The following COL4A6 variants were observed in gnomAD, a reference collection of about 807,000 sequenced individuals.
The protein encoded by COL4A6 is collagen type IV alpha 6 chain.
COL4A6 carries 59 observed loss-of-function variants against 126.7 expected under a neutral mutation model. That is an observed-to-expected ratio of 0.47 (90% CI 0.38 to 0.58). The LOEUF (loss-of-function observed/expected upper bound fraction) is 0.58. Among genes scored for constraint, COL4A6 ranks in the 20% least tolerant of loss-of-function variants. The probability of loss-of-function intolerance (pLI) is 0.00; values close to 1 mark genes in which losing one functional copy is unlikely to be tolerated. For synonymous variants in COL4A6, 547 were observed against 496.6 expected (o/e 1.10, Z -1.35); for missense variants, 1,285 against 1,337.3 (o/e 0.96, Z 0.61).
intron 2 of COL4A6, among the ~76,000 whole-genome samples, chrX:108,422,770 T>C (rs1345736030): frequency 2.7e-5 from 3 of 111,744 alleles, no homozygotes; most frequent in Non-Finnish European, 3.8e-5. Flanking sequence ...ACTTTCATGG[T>C]TTCAAGGACT....
intron 36 of COL4A6, 26 bp from the exon 37 acceptor site, chrX:108,169,646 G>A (rs771745648): frequency 3.9e-5 from 47 of 1,190,973 alleles, no homozygotes; most frequent in Non-Finnish European, 2.3e-6. Context: ...GGGGTAGGGG[G>A]CAGACCTCAG....
intron 3 of COL4A6, among the ~76,000 whole-genome samples, chrX:108,224,776 C>T (rs2036118881): frequency 8.9e-6 from 1 of 111,934 alleles, no homozygotes; most frequent in Non-Finnish European, 1.9e-5. Context: ...ATTTCTGCCT[C>T]ATTACCCATA....
At chrX:108,384,997 C>G (rs767356969) in intron 2 of COL4A6, among the ~76,000 whole-genome samples, 12 of 110,804 alleles carry the variant, frequency 1.1e-4, no homozygotes, top group Non-Finnish European at 2.1e-4. Flanking sequence ...TGCAGTAGAC[C>G]GCCTTATCTG....
chrX:108,323,158 A>G (rs1306439772), intron 2 of COL4A6, among the ~76,000 whole-genome samples: 1 of 112,102 alleles, frequency 8.9e-6, no homozygotes, highest in Non-Finnish European at 1.9e-5. Flanking sequence ...AGGAGGGGAA[A>G]GTAGAGTTAT....
rs921045659 is a variant in COL4A6, at chrX:108,169,751, A to G, written c.3566-131T>C. 3 of 959,845 alleles carry G rather than the reference A, an allele frequency of 3.1e-6. No homozygotes were observed. In the African/African-American group the frequency reaches 6.0e-5, roughly 19 times the overall value. 79.1% of individuals were successfully genotyped at this position (959,845 alleles called of 1,213,427 possible). Reference sequence around the variant, plus strand: ...GCAGAGTACTGAAGTAACAAGAAAGAAAGTTAATCTGAGTAGAAGAAAAAA... The same window carrying G: ...GCAGAGTACTGAAGTAACAAGAAAGGAAGTTAATCTGAGTAGAAGAAAAAA... On this transcript the variant is annotated intron_variant, in intron 36 of 44. Transcript: ENST00000334504.
At chrX:108,192,665 C>A (rs1251595926) in intron 17 of COL4A6, 85 bp from the exon 18 acceptor site, 2 of 619,763 alleles carry the variant, frequency 3.2e-6, no homozygotes, top group Non-Finnish European at 5.2e-6. Context: ...GGTGCAGGAG[C>A]TGTCCTGGCA....
At chrX:108,238,058 C>A (rs2036479055) in intron 3 of COL4A6, among the ~76,000 whole-genome samples, 1 of 104,785 alleles carries the variant, frequency 9.5e-6, no homozygotes, top group Non-Finnish European at 1.9e-5. Flanking sequence ...ATCTATCTAT[C>A]TATCTATCTA....
At chrX:108,235,686 A>G (rs936841441) in intron 3 of COL4A6, among the ~76,000 whole-genome samples, 4 of 111,430 alleles carry the variant, frequency 3.6e-5, no homozygotes, top group Non-Finnish European at 7.5e-5. Context: ...ACCGTCATCT[A>G]CTTTTGGTTA....
At chrX:108,212,648 GT>G (rs778256472) in intron 6 of COL4A6, among the ~76,000 whole-genome samples, 14 of 106,487 alleles carry the variant, frequency 1.3e-4, no homozygotes, top group South Asian at 8.2e-4. Context: ...AGCAGAAACC[GT>G]TTTTTTTTTC....
rs368171556 is a variant in COL4A6 at position 108,401,287 on chromosome X, A to G, written c.63+36655T>C. ...AATAAGTAAGTATAAAGCCTCAGCT[A>G]TAAAAGTGTTAATCACAGTATTATT... On this transcript the variant is annotated intron_variant, in intron 2 of 44. Transcript: ENST00000334504. Among the ~76,000 whole-genome samples the G allele has an allele frequency of 6.3e-5, 7 of 111,249 alleles. No homozygotes were observed. The East Asian group carries it at 2.0e-3, about 31-fold the overall frequency.
At chrX:108,167,704 G>C (rs987028693) in intron 37 of COL4A6, among the ~76,000 whole-genome samples, 1 of 111,191 alleles carries the variant, frequency 9.0e-6, no homozygotes, top group Non-Finnish European at 1.9e-5. Context: ...TCAAAGATAG[G>C]TTCCTGTGGG....
In COL4A6 at chrX:108,164,996, G is replaced by A; in HGVS notation, c.3851C>T (p.Ser1284Phe). The A allele has an allele frequency of 1.7e-6, 2 of 1,210,415 alleles. No individual in the cohort carries two copies. Among genetic ancestry groups the A allele is most frequent in the South Asian group, 1.8e-5 (1 of 56,859 alleles). ...PAGPPGPPGP[S>F]SNQGDTGDPG... is the part of the protein sequence containing the mutation. ...GTCTCCGGTGTCGCCTTGATTCGAG[G>A]ATGGCCCAGGGGGACCTGGGGGTCC... Residue 1284 changes from serine (S) to phenylalanine (F), a missense_variant, in exon 39 of 45, where the codon TCC (serine) becomes TTC (phenylalanine). Coordinates refer to ENST00000334504, the MANE Select transcript of COL4A6 (RefSeq NM_033641.4).
intron 37 of COL4A6, among the ~76,000 whole-genome samples, chrX:108,168,138 T>G (rs1323391842): frequency 8.9e-6 from 1 of 112,555 alleles, no homozygotes; most frequent in Non-Finnish European, 1.9e-5. Flanking sequence ...GTTTACTACA[T>G]GCATAATTGT....
rs1330804406 is a variant in COL4A6 at position 108,297,189 on chromosome X, T to C, written c.144+13559A>G. 4.5e-5 allele frequency among the ~76,000 whole-genome samples: 5 copies of C among 112,170 alleles called. No homozygotes were observed. The East Asian group carries it at 1.4e-3, about 31-fold the overall frequency. ...ATGGTGGAGTTAAGGGAGGGTTTGA[T>C]AATACTCAAATCTAATAATTAATGG... is the stretch of plus-strand genomic sequence containing the variant. On this transcript the variant is annotated intron_variant, in intron 3 of 44. Transcript: ENST00000334504.
chrX:108,313,734 A>AT (rs1258987365), intron 2 of COL4A6, among the ~76,000 whole-genome samples: 1 of 112,339 alleles, frequency 8.9e-6, no homozygotes, highest in East Asian at 2.8e-4. Context: ...ATGTATTTCA[A>AT]TATATAAAAG....
chrX:108,394,962 TG>T (rs1455562381), intron 2 of COL4A6, among the ~76,000 whole-genome samples: 1 of 111,264 alleles, frequency 9.0e-6, no homozygotes, highest in Non-Finnish European at 1.9e-5. Context: ...TATATTTCAT[TG>T]AATGTATATT....
At chrX:108,173,388 T>G (rs2034376659) in intron 31 of COL4A6, among the ~76,000 whole-genome samples, 1 of 111,952 alleles carries the variant, frequency 8.9e-6, no homozygotes, top group Non-Finnish European at 1.9e-5. Context: ...GCATTCCCAC[T>G]TTGTTTTCAT....
At position 108,187,151 on chromosome X, in the gene COL4A6, A is replaced by G. The variant is rs925623192; in HGVS notation, c.1896T>C (p.Pro632=). Residue 632 remains proline (P), a synonymous_variant, in exon 23 of 45, where the codon CCT becomes CCC. Transcript: ENST00000334504. The stretch of plus-strand genomic sequence containing the variant: ...GTAATCCATCCTTGCCTTTATCTCC[A>G]GGAAGCCCACGGGGTCCAGGAAGTC... ...LPGLPGPRGL[P]GDKGKDGLPG... is the part of the protein sequence containing the mutation. 1 of 1,195,670 alleles carries G rather than the reference A, an allele frequency of 8.4e-7. No homozygotes were observed. The highest frequency in any genetic ancestry group is 1.7e-5 in the African/African-American group (1 of 57,390).
chrX:108,391,153 C>T (rs750429748), intron 2 of COL4A6, among the ~76,000 whole-genome samples: 2 of 111,535 alleles, frequency 1.8e-5, no homozygotes, highest in African/African-American at 3.3e-5. Flanking sequence ...AGGTGTCTCC[C>T]AGTCAGGATA....
Sources: allele counts gnomAD v4.1 joint callset (sites outside exome capture counted in the v4.1 genomes callset), GRCh38; gene constraint gnomAD v4.1.1; transcripts MANE v1.5; gene names NCBI Gene and HGNC (gene_info 2026-07-23, HGNC 2026-07-21).